The following BRD3 variants were observed in gnomAD, a reference collection of about 807,000 sequenced individuals.
The protein encoded by BRD3 is bromodomain-containing protein 3.
In BRD3, 17 loss-of-function variants were observed where a neutral mutation model predicts 66.8. The observed-to-expected ratio is 0.25, with a 90% CI of 0.17 to 0.38. The LOEUF is 0.38. BRD3 is among the 10% of genes least tolerant of loss of function. BRD3 has a pLI of 1.00. For synonymous variants in BRD3, 421 were observed against 393.2 expected (o/e 1.07, Z -0.84); for missense variants, 713 against 956.1 (o/e 0.75, Z 3.35).
At chr9:134,052,251 T>C (rs1471181707) in intron 3 of BRD3, 55 bp downstream of exon 3, 2 of 1,598,630 alleles carry the variant, frequency 1.3e-6, no homozygotes, top group Non-Finnish European at 1.7e-6. Context: ...CCCACTGCGT[T>C]GCACAGCGCC....
At chr9:134,052,621 A>T (rs1056679636) in intron 2 of BRD3, among the ~76,000 whole-genome samples, 178 bp from the exon 3 acceptor site, 3 of 152,116 alleles carry the variant, frequency 2.0e-5, no homozygotes, top group Non-Finnish European at 4.4e-5. Context: ...CCAGCTCCAA[A>T]CTCCTGCCCA....
In BRD3 at chr9:134,031,911, CTG is replaced by C. The variant is rs1196878199; in HGVS notation, c.*1677_*1678del. ...CTGGTTTCAGTCATTTCCGGACTAA[CTG>C]TGACAACGCGTGAGCAGGGAGCACC... On this transcript the variant is annotated 3_prime_UTR_variant, in exon 12 of 12. Coordinates refer to ENST00000303407, the MANE Select transcript of BRD3 (RefSeq NM_007371.4). The C allele has an allele frequency of 4.5e-6, 1 of 220,408 alleles. No individual in the cohort carries two copies. The highest frequency in any genetic ancestry group is 5.8e-5 in the Admixed American group (1 of 17,276). 13.7% of individuals were successfully genotyped at this position (220,408 alleles called of 1,614,324 possible). A position where few individuals can be genotyped will look rare whatever the true frequency, so the allele number is the denominator to read the frequency against.
At chr9:134,060,986 C>G (rs1830529654) in intron 1 of BRD3, among the ~76,000 whole-genome samples, 1 of 151,934 alleles carries the variant, frequency 6.6e-6, no homozygotes, top group African/African-American at 2.4e-5. Context: ...ATGCTGAGTC[C>G]AGGGCTGTTT....
intron 4 of BRD3, 52 bp downstream of exon 4, chr9:134,051,510 C>G (rs1017946082): frequency 3.4e-6 from 5 of 1,461,556 alleles, no homozygotes; most frequent in Non-Finnish European, 4.5e-6. Context: ...CCCATCCACC[C>G]GTGGGCCTCT....
chr9:134,051,049 G>A (rs1188763958), intron 4 of BRD3, among the ~76,000 whole-genome samples: 1 of 152,200 alleles, frequency 6.6e-6, no homozygotes, highest in Non-Finnish European at 1.5e-5. Context: ...ACACCTGCAT[G>A]CCGGGTTCCC....
At chr9:134,067,422 G>A (rs550309573) in intron 1 of BRD3, among the ~76,000 whole-genome samples, 9 of 150,358 alleles carry the variant, frequency 6.0e-5, no homozygotes, top group African/African-American at 1.9e-4. Context: ...CGGGAGCGAG[G>A]CCGGCGGAAC....
intron 9 of BRD3, chr9:134,036,707 G>A (rs1162311552): frequency 1.1e-5 from 11 of 957,232 alleles, no homozygotes; most frequent in South Asian, 1.4e-5. Context: ...CAATAATTAT[G>A]TGAAATATAA....
At position 134,041,826 on chromosome 9, in the gene BRD3, A is replaced by G; in HGVS notation, c.1341T>C (p.Ser447=). 1 of 1,613,116 alleles carries G rather than the reference A, an allele frequency of 6.2e-7. No homozygotes were observed. The highest frequency in any genetic ancestry group is 8.5e-7 in the Non-Finnish European group (1 of 1,179,880). The part of the protein sequence containing the change: ...AESSRSSEES[S]SDSGSSDSEE... The stretch of plus-strand genomic sequence containing the variant: ...CCGAGTCCGAGCTGCCTGAGTCCGA[A>G]GAGCTCTCCTCACTGCTACGGCTGC... Residue 447 remains serine, a synonymous_variant, in exon 8 of 12, where the codon TCT becomes TCC. Transcript: ENST00000303407.
At position 134,047,961 on chromosome 9, in the gene BRD3, C is replaced by T. The variant is rs114398399; in HGVS notation, c.1086+122G>A. 8,353 of 1,341,066 alleles carry T rather than the reference C, an allele frequency of 6.2e-3. 134 individuals carry two copies. The highest frequency in any genetic ancestry group is 0.05 in the African/African-American group (3,342 of 67,244). The allele number at this position is 1,341,066 out of a possible 1,614,324, so 83.1% of individuals were successfully genotyped here. On this transcript the variant is annotated intron_variant, in intron 6 of 11. Transcript: ENST00000303407. The stretch of plus-strand genomic sequence containing the variant: ...GCTGCGGGGGCCAGCCTGGAGGGTG[C>T]GCTTCTCCGGCAAGCGAGACCCTGC...
rs201651754 is a variant in BRD3 at position 134,053,556 on chromosome 9, G to T, written c.-79C>A. The T allele has an allele frequency of 3.5e-5, 51 of 1,454,776 alleles. No homozygotes were observed. In the African/African-American group the frequency reaches 6.9e-4, roughly 20 times the overall value. The allele number at this position is 1,454,776 out of a possible 1,614,324, so 90.1% of individuals were successfully genotyped here. A position where few individuals can be genotyped will look rare whatever the true frequency, so the allele number is the denominator to read the frequency against. Reference sequence around the variant, plus strand: ...CTGCTTCTACGCTCCCTGAGAAAGCGCGACGTCCCATTTCCGGGCCCAACC... The same window carrying T: ...CTGCTTCTACGCTCCCTGAGAAAGCTCGACGTCCCATTTCCGGGCCCAACC... On this transcript the variant is annotated 5_prime_UTR_variant, in exon 2 of 12. Transcript: ENST00000303407.
chr9:134,034,903 G>A lies in BRD3; in HGVS notation c.1937-74C>T, dbSNP rs1588270877. 3.8e-6 allele frequency: 6 copies of A among 1,594,610 alleles called. No individual in the cohort carries two copies. In the East Asian group the frequency reaches 1.3e-4, roughly 36 times the overall value. ...CAGGAGCCAGGGCTGCATCCAGGTG[G>A]CCAAGGCCCCAGCCCTGCACACTGG... On this transcript the variant is annotated intron_variant, in intron 10 of 11. Coordinates refer to ENST00000303407, the MANE Select transcript of BRD3 (RefSeq NM_007371.4).
intron 7 of BRD3, among the ~76,000 whole-genome samples, chr9:134,044,434 T>C (rs899732413): frequency 2.6e-5 from 4 of 152,104 alleles, no homozygotes. Context: ...ACTGAGAACA[T>C]CTTAACATGA....
intron 1 of BRD3, among the ~76,000 whole-genome samples, chr9:134,055,045 C>CA: frequency 6.8e-6 from 1 of 148,100 alleles, no homozygotes; most frequent in African/African-American, 2.6e-5. Flanking sequence ...CTGAGGTGAG[C>CA]GGGTGCCTCT....
intron 5 of BRD3, among the ~76,000 whole-genome samples, chr9:134,049,183 A>T (rs1196079053): frequency 6.6e-6 from 1 of 152,110 alleles, no homozygotes; most frequent in Non-Finnish European, 1.5e-5. Flanking sequence ...GCAGACGCGC[A>T]TGTTTAACGT....
At chr9:134,057,160 G>A (rs1014815046) in intron 1 of BRD3, 4 of 152,270 alleles carry the variant, frequency 2.6e-5, no homozygotes, top group Non-Finnish European at 4.4e-5. Context: ...ATCCCGAGAT[G>A]GGAAAGACAA....
At position 134,036,318 on chromosome 9, in the gene BRD3, C is replaced by T. The variant is rs758070353; in HGVS notation, c.1650G>A (p.Leu550=). 7 of 1,602,096 alleles carry T rather than the reference C, an allele frequency of 4.4e-6. No individual in the cohort carries two copies. Among genetic ancestry groups the T allele is most frequent in the Admixed American group, 1.7e-5 (1 of 59,078 alleles). Residue 550 remains leucine, a synonymous_variant, in exon 10 of 12, where the codon CTG becomes CTA. Coordinates refer to ENST00000303407, the MANE Select transcript of BRD3 (RefSeq NM_007371.4). ...CAGATGCCTGCTTGCCGCCTTTCTT[C>T]AGCTGTCTGGGGCAGGAGACAGAGC... The part of the protein sequence containing the change: ...ANSTTTAGRQ[L]KKGGKQASAS...
rs1454176588 is a variant in BRD3, at chr9:134,033,694, A to G, written c.2077T>C (p.Ser693Pro). Reference protein sequence around the residue: ...KKPARKEKPGSAPSGGPSRLS... With the variant: ...KKPARKEKPGPAPSGGPSRLS... ...CTGGACGGGCCCCCTGAGGGTGCTG[A>G]GCCGGGCTTCTCTGTGGAGACATGG... The change falls in exon 12 of 12, where the codon TCA becomes CCA. Residue 693 changes from serine (S) to proline (P), a missense_variant. Physicochemically the swap from Ser to Pro is moderately conservative, Grantham distance 74 (BLOSUM62 -1). Transcript: ENST00000303407. This position sits in a 1 kb window ranked among gnomAD's most constrained non-coding sequence, Gnocchi z 5.1. The G allele has an allele frequency of 2.7e-6, 2 of 747,704 alleles. No homozygotes were observed. The highest frequency in any genetic ancestry group is 3.6e-5 in the Admixed American group (2 of 55,946). The allele number at this position is 747,704 out of a possible 1,614,324, so 46.3% of individuals were successfully genotyped here. A position where few individuals can be genotyped will look rare whatever the true frequency, so the allele number is the denominator to read the frequency against.
At chr9:134,057,310 G>A (rs142093443) in intron 1 of BRD3, 160 of 152,316 alleles carry the variant, frequency 1.1e-3, no homozygotes, top group African/African-American at 3.7e-3. Flanking sequence ...CCCAGCCTGC[G>A]AGTGCCCCAG....
At chr9:134,046,086 G>A (rs564912260) in intron 6 of BRD3, among the ~76,000 whole-genome samples, 10 of 152,266 alleles carry the variant, frequency 6.6e-5, no homozygotes, top group South Asian at 4.2e-4. Flanking sequence ...AAAACCCACC[G>A]CAGGTCCCAC....
Sources: allele counts gnomAD v4.1 joint callset (sites outside exome capture counted in the v4.1 genomes callset), GRCh38; gene constraint gnomAD v4.1.1; non-coding constraint Gnocchi (gnomAD v3.1); transcripts MANE v1.5; gene names NCBI Gene and HGNC (gene_info 2026-07-23, HGNC 2026-07-21).